The following TSGA10 variants were observed in gnomAD, a reference collection of about 807,000 sequenced individuals.
The protein encoded by TSGA10 is testis-specific gene 10 protein.
A neutral mutation model predicts 96.6 loss-of-function variants in TSGA10; 43 were observed. The ratio of observed to expected loss-of-function variants is 0.44; its 90% confidence interval spans 0.35 to 0.57. The LOEUF (loss-of-function observed/expected upper bound fraction) is 0.57. Ranked by LOEUF, TSGA10 falls within the 20% of genes least tolerant of loss-of-function variation. The pLI, the probability that TSGA10 is intolerant of heterozygous loss-of-function variation, is 0.01. For synonymous variants in TSGA10, 229 were observed against 269.9 expected, an observed-to-expected ratio of 0.85 and a Z score of 1.48; for missense variants, 703 against 834.4, an observed-to-expected ratio of 0.84 and a Z score of 1.94.
intron 20 of TSGA10, among the ~76,000 whole-genome samples, chr2:99,016,005 C>A (rs2079486511): frequency 6.6e-6 from 1 of 152,052 alleles, no homozygotes; most frequent in African/African-American, 2.4e-5. Flanking sequence ...AAAGAAGTCA[C>A]TGATGACACA....
chr2:99,095,334 CA>C (rs747338660), intron 10 of TSGA10, among the ~76,000 whole-genome samples: 9 of 151,976 alleles, frequency 5.9e-5, no homozygotes, highest in Non-Finnish European at 1.2e-4. Context: ...CAAGATCTCA[CA>C]AATCACTGAA....
In TSGA10 at chr2:98,998,122, A is replaced by C. The variant is rs937557964; in HGVS notation, c.*75T>G. ...TGCCAAGCATTTAAAAGATAAATGC[A>C]CTCATGTAGCAAAAAAAAAAAAATC... On this transcript the variant is annotated 3_prime_UTR_variant, in exon 21 of 21. Transcript: ENST00000393483. The C allele has an allele frequency of 4.0e-6, 5 of 1,243,186 alleles. No homozygotes were observed. The highest frequency in any genetic ancestry group is 5.7e-6 in the Non-Finnish European group (5 of 870,996). The allele number at this position is 1,243,186 out of a possible 1,614,324, so 77.0% of individuals were successfully genotyped here.
chr2:99,126,951 G>T, intron 2 of TSGA10, 97 bp downstream of exon 2: 1 of 1,078,568 alleles, frequency 9.3e-7, no homozygotes, highest in Non-Finnish European at 1.2e-6. Flanking sequence ...ATTTAAATGA[G>T]CTCTGAATTA....
At position 99,109,397 on chromosome 2, in the gene TSGA10, T is replaced by C. The variant is rs371227149; in HGVS notation, c.43A>G (p.Thr15Ala). ...AAGTTTATAAAACCTACCCGGGCAG[T>C]TGGTGATGGGCGTCTTGGACTTTTA... is the stretch of plus-strand genomic sequence containing the variant. ...RSKSPRRPSP[T>A]ARGANCDVEL... is the part of the protein sequence containing the mutation. Residue 15 changes from threonine to alanine, a missense_variant, in exon 6 of 21, where the codon ACT becomes GCT. Physicochemically the swap from Thr to Ala is moderately conservative, Grantham distance 58 (BLOSUM62 0). This residue lies in a region of TSGA10 where 585 missense variants were observed against 656.8 expected (regional missense o/e 0.89). Coordinates refer to ENST00000393483, the MANE Select transcript of TSGA10 (RefSeq NM_025244.4). 2 of 1,613,878 alleles carry C rather than the reference T, an allele frequency of 1.2e-6. No homozygotes were observed. Among genetic ancestry groups the C allele is most frequent in the South Asian group, 1.1e-5 (1 of 91,080 alleles).
At chr2:99,100,846 C>T (rs1246820491) in intron 10 of TSGA10, among the ~76,000 whole-genome samples, 15 of 147,088 alleles carry the variant, frequency 1.0e-4, no homozygotes, top group Admixed American at 4.1e-4. Context: ...AAATACACTC[C>T]TGGTAAATTA....
rs113858695 is a variant in TSGA10 at position 99,030,445 on chromosome 2, C to G, written c.1614+4785G>C. Among the ~76,000 whole-genome samples, 227 of 152,188 alleles carry G rather than the reference C, an allele frequency of 1.5e-3. 1 individual carries two copies. The highest frequency in any genetic ancestry group is 2.3e-3 in the Non-Finnish European group (155 of 68,000). ...GGAGGATTGCTTAAGGCCAGAAGTT[C>G]GAGACCAGCCTGGGCAACATAGCAA... On this transcript the variant is annotated intron_variant, in intron 17 of 20. Transcript: ENST00000393483.
chr2:99,051,018 A>G (rs1348430198), intron 16 of TSGA10, among the ~76,000 whole-genome samples: 2 of 152,204 alleles, frequency 1.3e-5, no homozygotes, highest in Non-Finnish European at 2.9e-5. Context: ...AGGCTATTCC[A>G]TATAGCCTAG....
chr2:99,102,769 A>G lies in TSGA10; in HGVS notation c.611+1198T>C, dbSNP rs568729139. On this transcript the variant is annotated intron_variant, in intron 10 of 20. Transcript: ENST00000393483. ...CATGGTTAATTGGAAAATACTACTT[A>G]CTGGTTTGGGAGTTGTGTATAGTAA... 1.1e-5 allele frequency: 18 copies of G among 1,574,216 alleles called. No homozygotes were observed. The African/African-American group carries it at 1.5e-4, about 13-fold the overall frequency.
At chr2:99,077,127 CTTTTTTTTTTT>C (rs35876721) in intron 12 of TSGA10, among the ~76,000 whole-genome samples, 31 of 70,462 alleles carry the variant, frequency 4.4e-4, no homozygotes, top group African/African-American at 7.3e-4. Flanking sequence ...GACCATTCAC[CTTTTTTTTTTT>C]TTTTTTTTTT....
At chr2:99,111,746 A>G (rs917361173) in intron 4 of TSGA10, among the ~76,000 whole-genome samples, 5 of 152,268 alleles carry the variant, frequency 3.3e-5, no homozygotes, top group East Asian at 1.9e-4. Context: ...GAGTTTGGAT[A>G]ACCTTATGTA....
intron 17 of TSGA10, among the ~76,000 whole-genome samples, chr2:99,027,199 G>A (rs1212678922): frequency 6.6e-6 from 1 of 152,156 alleles, no homozygotes; most frequent in African/African-American, 2.4e-5. Flanking sequence ...CCAAGGGTTG[G>A]GAACTCCTAC....
chr2:99,087,541 G>A (rs575612033), intron 10 of TSGA10, among the ~76,000 whole-genome samples: 2 of 151,996 alleles, frequency 1.3e-5, no homozygotes, highest in South Asian at 4.2e-4. Context: ...TTTTTAAATT[G>A]GCCAGGCATG....
chr2:99,006,117 C>T (rs536233131), intron 20 of TSGA10, among the ~76,000 whole-genome samples: 2 of 152,200 alleles, frequency 1.3e-5, no homozygotes, highest in East Asian at 1.9e-4. Flanking sequence ...TGGATCCCTT[C>T]CTTACACCTT....
chr2:99,111,187 A>G lies in TSGA10; in HGVS notation c.-139-272T>C, dbSNP rs185645800. On this transcript the variant is annotated intron_variant, in intron 4 of 20. Coordinates refer to ENST00000393483, the MANE Select transcript of TSGA10 (RefSeq NM_025244.4). Reference sequence around the variant, plus strand: ...AAATTATTCCCCATAAACTGGAACAAAATGTTAGTACTAATTACAATTCTG... The same window carrying G: ...AAATTATTCCCCATAAACTGGAACAGAATGTTAGTACTAATTACAATTCTG... 8.3e-4 allele frequency among the ~76,000 whole-genome samples: 126 copies of G among 152,226 alleles called. 3 individuals are homozygous for G. The East Asian group carries it at 0.023, about 27-fold the overall frequency.
At chr2:99,055,860 C>CAAA (rs59969222) in intron 16 of TSGA10, among the ~76,000 whole-genome samples, 3 of 90,812 alleles carry the variant, frequency 3.3e-5, no homozygotes, top group Admixed American at 1.1e-4. Context: ...ATCCAATTAA[C>CAAA]AAAAAAAAAA....
intron 16 of TSGA10, among the ~76,000 whole-genome samples, chr2:99,048,821 A>C (rs1348210303): frequency 6.6e-6 from 1 of 152,186 alleles, no homozygotes; most frequent in Non-Finnish European, 1.5e-5. Context: ...AAATTTTTGC[A>C]ATCTATTCAT....
intron 16 of TSGA10, among the ~76,000 whole-genome samples, chr2:99,037,296 C>T (rs775362331): frequency 1.3e-5 from 2 of 152,144 alleles, no homozygotes; most frequent in Non-Finnish European, 2.9e-5. Context: ...ACAAAGTATA[C>T]TCTCAGATCA....
chr2:99,032,408 T>C (rs1264090766), intron 17 of TSGA10, among the ~76,000 whole-genome samples: 3 of 152,224 alleles, frequency 2.0e-5, no homozygotes, highest in Non-Finnish European at 4.4e-5. Context: ...TACGGGTTCA[T>C]TGCAACAGGT....
chr2:99,087,103 C>T (rs764802978), intron 10 of TSGA10, among the ~76,000 whole-genome samples: 1 of 151,958 alleles, frequency 6.6e-6, no homozygotes, highest in Non-Finnish European at 1.5e-5. Context: ...ACTGGGGAGG[C>T]TGAGGCAAGA....
Sources: allele counts gnomAD v4.1 joint callset (sites outside exome capture counted in the v4.1 genomes callset), GRCh38; gene constraint gnomAD v4.1.1; regional missense constraint gnomAD v4.1.1; transcripts MANE v1.5; gene names NCBI Gene and HGNC (gene_info 2026-07-23, HGNC 2026-07-21).